Variants in ZMIZ1 observed in about 807,000 individuals in gnomAD.
ZMIZ1 encodes zinc finger MIZ-type containing 1, also known as zinc finger MIZ domain-containing protein 1.
A neutral mutation model predicts 113.9 loss-of-function variants in ZMIZ1; 17 were observed. The observed-to-expected ratio is 0.15, with a 90% CI of 0.10 to 0.22. The LOEUF (loss-of-function observed/expected upper bound fraction) is 0.22, where lower values mean the gene tolerates loss of function less well. Among genes scored for constraint, ZMIZ1 ranks in the 10% least tolerant of loss-of-function variants. The pLI, the probability that ZMIZ1 is intolerant of heterozygous loss-of-function variation, is 1.00. For missense variants in ZMIZ1, 1,059 were observed against 1,477.8 expected, an observed-to-expected ratio of 0.72 and a Z score of 4.65; for synonymous variants, 607 against 603.1, an observed-to-expected ratio of 1.01 and a Z score of -0.09.
In ZMIZ1 at chr10:79,298,941, C is replaced by G. The variant is rs900496529; in HGVS notation, c.1667-109C>G. ...TATGTCTCTGGCCCTGTTTACACAC[C>G]CCTGCCTTCCTCTGAGCATGCAGCC... On this transcript the variant is annotated intron_variant, in intron 15 of 24. Transcript: ENST00000334512. The G allele has an allele frequency of 5.2e-5, 74 of 1,416,432 alleles. No homozygotes were observed. In the African/African-American group the frequency reaches 9.9e-4, roughly 19 times the overall value. The allele number at this position is 1,416,432 out of a possible 1,614,324, so 87.7% of individuals were successfully genotyped here.
intron 7 of ZMIZ1, chr10:79,243,816 G>C (rs1042268227): frequency 8.9e-5 from 16 of 179,674 alleles, no homozygotes; most frequent in African/African-American, 3.8e-4. Context: ...GCGGGGGTGA[G>C]TGTGCGTGCC....
intron 2 of ZMIZ1, among the ~76,000 whole-genome samples, chr10:79,125,135 G>C (rs1352704836): frequency 2.0e-5 from 3 of 152,192 alleles, no homozygotes; most frequent in Non-Finnish European, 4.4e-5. Flanking sequence ...AGGCGCTGGG[G>C]CTTTCTACCA....
At chr10:79,137,607 A>T (rs1187313746) in intron 2 of ZMIZ1, among the ~76,000 whole-genome samples, 2 of 152,200 alleles carry the variant, frequency 1.3e-5, no homozygotes, top group African/African-American at 2.4e-5. Flanking sequence ...CTGGCTGTGC[A>T]CCAAGCTTCA....
chr10:79,271,465 C>T (rs963040548), intron 7 of ZMIZ1, among the ~76,000 whole-genome samples: 2 of 152,198 alleles, frequency 1.3e-5, no homozygotes, highest in African/African-American at 2.4e-5. Context: ...TAACAGACAA[C>T]TGGGATCAGG....
At chr10:79,104,324 T>TA (rs933380702) in intron 1 of ZMIZ1, among the ~76,000 whole-genome samples, 30 of 152,244 alleles carry the variant, frequency 2.0e-4, no homozygotes, top group African/African-American at 7.0e-4. Flanking sequence ...CGGATGAGTA[T>TA]AGAGTCCGCG....
At chr10:79,082,371 A>G (rs1589251372) in intron 1 of ZMIZ1, among the ~76,000 whole-genome samples, 1 of 152,218 alleles carries the variant, frequency 6.6e-6, no homozygotes, top group East Asian at 1.9e-4. Flanking sequence ...CCCACCTGAG[A>G]CCCCACGCCC....
intron 7 of ZMIZ1, among the ~76,000 whole-genome samples, chr10:79,234,183 A>C (rs1849503126): frequency 1.3e-5 from 2 of 152,318 alleles, no homozygotes; most frequent in African/African-American, 4.8e-5. Context: ...TGGGTGCTAG[A>C]GGCAGAGAAC....
At position 79,306,162 on chromosome 10, in the gene ZMIZ1, C is replaced by T. The variant is rs766908812; in HGVS notation, c.2486C>T (p.Ser829Leu). 1.6e-5 allele frequency: 26 copies of T among 1,613,918 alleles called. No individual in the cohort carries two copies. Among genetic ancestry groups the T allele is most frequent in the Non-Finnish European group, 1.8e-5 (21 of 1,180,036 alleles). ...TCSWRPVPIKSDLHIKDDPDG... is the reference protein window; with the variant it reads ...TCSWRPVPIKLDLHIKDDPDG... Reference sequence around the variant, plus strand: ...AGCTGGCGGCCGGTGCCCATCAAGTCGGACTTACACATCAAGGACGACCCT... The same window carrying T: ...AGCTGGCGGCCGGTGCCCATCAAGTTGGACTTACACATCAAGGACGACCCT... The change falls in exon 22 of 25, where the codon TCG becomes TTG. Residue 829 changes from serine to leucine, a missense_variant. Physicochemically the swap from Ser to Leu is moderately radical, Grantham distance 145. Transcript: ENST00000334512.
intron 1 of ZMIZ1, among the ~76,000 whole-genome samples, chr10:79,102,512 G>A (rs1843401788): frequency 6.6e-6 from 1 of 152,244 alleles, no homozygotes; most frequent in African/African-American, 2.4e-5. Flanking sequence ...CCAGGGCCAG[G>A]AGCTGAGGGG....
chr10:79,223,377 G>A (rs1051870920), intron 7 of ZMIZ1, among the ~76,000 whole-genome samples: 11 of 152,230 alleles, frequency 7.2e-5, no homozygotes, highest in East Asian at 1.9e-4. Flanking sequence ...TTTCAAGGTC[G>A]GGACAGACTT....
At chr10:79,222,987 G>A (rs1332232409) in intron 7 of ZMIZ1, among the ~76,000 whole-genome samples, 3 of 152,204 alleles carry the variant, frequency 2.0e-5, no homozygotes, top group African/African-American at 7.2e-5. Flanking sequence ...TCACCTGGCT[G>A]AATGGTGGAC....
intron 7 of ZMIZ1, among the ~76,000 whole-genome samples, chr10:79,247,724 C>T (rs1850294905): frequency 6.6e-6 from 1 of 152,190 alleles, no homozygotes; most frequent in South Asian, 2.1e-4. Flanking sequence ...TTAGCCAGGA[C>T]ACTCACATTT....
In ZMIZ1 at chr10:79,296,499, C is replaced by G; in HGVS notation, c.1259C>G (p.Pro420Arg). 1 of 1,614,054 alleles carries G rather than the reference C, an allele frequency of 6.2e-7. No individual in the cohort carries two copies. Among genetic ancestry groups the G allele is most frequent in the East Asian group, 2.2e-5 (1 of 44,882 alleles). ...AACTATGGAAACCAGCAATATGGAC[C>G]AAACAGCCAGTTCCCCACCCAGCCA... ...EPNYGNQQYG[P>R]NSQFPTQPGQ... Residue 420 changes from proline (P) to arginine (R), a missense_variant, in exon 13 of 25, where the codon CCA becomes CGA. By Grantham distance (103) the Pro-to-Arg change is moderately radical. This residue lies in a region of ZMIZ1 where 239 missense variants were observed against 247.5 expected (regional missense o/e 0.97). Coordinates refer to ENST00000334512, the MANE Select transcript of ZMIZ1 (RefSeq NM_020338.4). This position sits in a 1 kb window ranked among gnomAD's most constrained non-coding sequence, Gnocchi z 4.1.
rs942327340 is a variant in ZMIZ1 at position 79,296,877 on chromosome 10, T to C, written c.1413+224T>C. 1 of 406,510 alleles carries C rather than the reference T, an allele frequency of 2.5e-6. No individual in the cohort carries two copies. Among genetic ancestry groups the C allele is most frequent in the African/African-American group, 2.1e-5 (1 of 48,560 alleles). The allele number at this position is 406,510 out of a possible 1,614,324, so 25.2% of individuals were successfully genotyped here. On this transcript the variant is annotated intron_variant, in intron 13 of 24. Coordinates refer to ENST00000334512, the MANE Select transcript of ZMIZ1 (RefSeq NM_020338.4). This position sits in a 1 kb window ranked among gnomAD's most constrained non-coding sequence, Gnocchi z 4.1. ...TCTCATTCGTCTCGGATGATGGTTTTTTTTTCTCCTTTTCTTATTCACGGC... is the reference window on the plus strand; with the variant it reads ...TCTCATTCGTCTCGGATGATGGTTTCTTTTTCTCCTTTTCTTATTCACGGC...
chr10:79,186,190 C>T (rs973968288), intron 4 of ZMIZ1, among the ~76,000 whole-genome samples: 8 of 152,356 alleles, frequency 5.3e-5, no homozygotes, highest in African/African-American at 1.9e-4. Flanking sequence ...CTGCCTGGCC[C>T]TGGATCCTGT....
At chr10:79,250,390 G>A (rs1850474780) in intron 7 of ZMIZ1, among the ~76,000 whole-genome samples, 2 of 152,244 alleles carry the variant, frequency 1.3e-5, no homozygotes, top group Admixed American at 1.3e-4. Flanking sequence ...AGGAGAGCCT[G>A]AGAAGGTCAG....
intron 7 of ZMIZ1, among the ~76,000 whole-genome samples, chr10:79,217,341 C>T (rs1848777453): frequency 6.6e-6 from 1 of 152,096 alleles, no homozygotes; most frequent in South Asian, 2.1e-4. Context: ...AGGAGAATGG[C>T]GTGAACCCAG....
At chr10:79,132,401 C>T (rs1844811099) in intron 2 of ZMIZ1, among the ~76,000 whole-genome samples, 1 of 152,216 alleles carries the variant, frequency 6.6e-6, no homozygotes, top group Non-Finnish European at 1.5e-5. Context: ...GTGCAGGTGT[C>T]TCCACTCAGC....
At position 79,311,304 on chromosome 10, in the gene ZMIZ1, G is replaced by C. The variant is rs1339490844; in HGVS notation, c.3096+120G>C. On this transcript the variant is annotated intron_variant, in intron 24 of 24. Transcript: ENST00000334512. ...AAGGGAGGAGGTGGGTGGGCGGTGGGAGGGCTTCACCCAGACCTGGCTCCA... is the reference window on the plus strand; with the variant it reads ...AAGGGAGGAGGTGGGTGGGCGGTGGCAGGGCTTCACCCAGACCTGGCTCCA... 6.4e-5 allele frequency: 23 copies of C among 359,146 alleles called. 1 individual carries two copies. Among genetic ancestry groups the C allele is most frequent in the East Asian group, 2.3e-4 (3 of 13,272 alleles). The allele number at this position is 359,146 out of a possible 1,614,324, so 22.2% of individuals were successfully genotyped here.
Sources: allele counts gnomAD v4.1 joint callset (sites outside exome capture counted in the v4.1 genomes callset), GRCh38; gene constraint gnomAD v4.1.1; regional missense constraint gnomAD v4.1.1; non-coding constraint Gnocchi (gnomAD v3.1); transcripts MANE v1.5; gene names NCBI Gene and HGNC (gene_info 2026-07-23, HGNC 2026-07-21).